Variants in STX3 observed in about 807,000 individuals in gnomAD.
STX3 encodes the protein syntaxin-3.
Under a neutral mutation model 40.2 loss-of-function variants are expected in STX3, and 19 were observed. The ratio of observed to expected loss-of-function variants is 0.47; its 90% CI spans 0.33 to 0.69. The LOEUF is 0.69. STX3 is among the 30% of genes least tolerant of loss of function. STX3 has a pLI of 0.02. For missense variants in STX3, 364 were observed against 366.7 expected, an observed-to-expected ratio of 0.99 and a Z score of 0.06; for synonymous variants, 122 against 132.2, an observed-to-expected ratio of 0.92 and a Z score of 0.53.
chr11:59,781,726 G>T lies in STX3; in HGVS notation c.115-5311G>T, dbSNP rs1271005850. ...AGCTGCTGAACTGTGGCCATGGTGGGTGCGGGCGGGCTGGCGTGCAGAGAG... is the reference window on the plus strand; with the variant it reads ...AGCTGCTGAACTGTGGCCATGGTGGTTGCGGGCGGGCTGGCGTGCAGAGAG... On this transcript the variant is annotated intron_variant, in intron 2 of 10. Coordinates refer to ENST00000337979, the MANE Select transcript of STX3 (RefSeq NM_004177.5). 1.9e-6 allele frequency: 3 copies of T among 1,586,978 alleles called. No homozygotes were observed. In the African/African-American group the frequency reaches 4.0e-5, roughly 21 times the overall value.
chr11:59,773,847 G>A (rs1425708499), intron 2 of STX3, among the ~76,000 whole-genome samples: 3 of 152,132 alleles, frequency 2.0e-5, no homozygotes, highest in Non-Finnish European at 2.9e-5. Flanking sequence ...AGGCACACCT[G>A]TAATCCCAGC....
intron 1 of STX3, among the ~76,000 whole-genome samples, chr11:59,765,131 C>T (rs573592): frequency 0.16 from 24,353 of 152,034 alleles, 3,669 homozygotes; most frequent in African/African-American, 0.4. Context: ...ATCTGTCAAT[C>T]TCCTCTTGAT....
In STX3 at chr11:59,782,758, C is replaced by T. The variant is rs145784517; in HGVS notation, c.115-4279C>T. Reference sequence around the variant, plus strand: ...CTGTAATCCTAGCACTTTGGGAGGCCGAGGTGGGCGGATCACTTGAGCTCA... The same window carrying T: ...CTGTAATCCTAGCACTTTGGGAGGCTGAGGTGGGCGGATCACTTGAGCTCA... On this transcript the variant is annotated intron_variant, in intron 2 of 10. Coordinates refer to ENST00000337979, the MANE Select transcript of STX3 (RefSeq NM_004177.5). Among the ~76,000 whole-genome samples the T allele has an allele frequency of 3.2e-3, 484 of 151,564 alleles. 5 individuals are homozygous for T. Among genetic ancestry groups the T allele is most frequent in the African/African-American group, 0.01 (430 of 41,288 alleles).
intron 1 of STX3, among the ~76,000 whole-genome samples, chr11:59,768,619 G>A (rs1458422280): frequency 1.3e-5 from 2 of 152,220 alleles, no homozygotes; most frequent in East Asian, 3.8e-4. Context: ...AGCAGAAGGT[G>A]TCTGGGGGAG....
chr11:59,770,733 G>A (rs1334359373), intron 1 of STX3, among the ~76,000 whole-genome samples: 4 of 152,248 alleles, frequency 2.6e-5, no homozygotes, highest in Non-Finnish European at 4.4e-5. Context: ...CAGGGTGAGC[G>A]CTCAGGAAAT....
intron 2 of STX3, among the ~76,000 whole-genome samples, chr11:59,786,371 C>T (rs1334240938): frequency 6.7e-6 from 1 of 149,758 alleles, no homozygotes; most frequent in African/African-American, 2.5e-5. Flanking sequence ...TCCCGAGTAG[C>T]TGGTACTACA....
chr11:59,786,513 G>A (rs1320639072), intron 2 of STX3, among the ~76,000 whole-genome samples: 1 of 151,476 alleles, frequency 6.6e-6, no homozygotes, highest in Non-Finnish European at 1.5e-5. Flanking sequence ...GCCTCCCAAA[G>A]TGCTGGGATT....
rs2135057996 is a variant in STX3 at position 59,803,501 on chromosome 11, A to G, written c.*2677A>G. ...GGTAGTCTGTGGGAGGAGGGGGGAG[A>G]CAGAAGGTGGCAATCTGTCCTATAA... is the stretch of plus-strand genomic sequence containing the variant. On this transcript the variant is annotated 3_prime_UTR_variant, in exon 11 of 11. Transcript: ENST00000337979. Among the ~76,000 whole-genome samples the G allele has an allele frequency of 6.6e-6, 1 of 152,232 alleles. No homozygotes were observed. Among genetic ancestry groups the G allele is most frequent in the Admixed American group, 6.5e-5 (1 of 15,282 alleles).
chr11:59,758,491 G>A (rs999550280), intron 1 of STX3, among the ~76,000 whole-genome samples: 5 of 152,174 alleles, frequency 3.3e-5, no homozygotes, highest in Admixed American at 2.0e-4. Flanking sequence ...GAGATAATCC[G>A]TGACAATCAC....
chr11:59,769,630 G>A (rs72931245), intron 1 of STX3, among the ~76,000 whole-genome samples: 2 of 152,098 alleles, frequency 1.3e-5, no homozygotes, highest in East Asian at 3.8e-4. Flanking sequence ...AGCCATTGTG[G>A]ATGTGGGGAA....
chr11:59,755,325 A>C, upstream of STX3: 2 of 273,208 alleles, frequency 7.3e-6, no homozygotes, highest in Non-Finnish European at 1.4e-5. Flanking sequence ...GCGGCCAGGT[A>C]GGGGCGGGTC....
rs1033421968 is a variant in STX3, at chr11:59,804,275, A to C, written c.*3451A>C. The stretch of plus-strand genomic sequence containing the variant: ...TCTAGGTCACACCTTTGACCACCCT[A>C]CATCTGTTTCCTCTTTCAGGCTCCA... On this transcript the variant is annotated 3_prime_UTR_variant, in exon 11 of 11. Coordinates refer to ENST00000337979, the MANE Select transcript of STX3 (RefSeq NM_004177.5). 18 of 152,378 alleles carry C rather than the reference A, an allele frequency of 1.2e-4. No homozygotes were observed. The highest frequency in any genetic ancestry group is 2.1e-4 in the South Asian group (1 of 4,826). 9.4% of individuals were successfully genotyped at this position (152,378 alleles called of 1,614,324 possible).
At chr11:59,773,977 CAAAAAA>C (rs5792160) in intron 2 of STX3, among the ~76,000 whole-genome samples, 9 of 81,246 alleles carry the variant, frequency 1.1e-4, no homozygotes, top group South Asian at 4.4e-4. Context: ...CTCACACACA[CAAAAAA>C]AAAAAAAAAA....
At position 59,801,008 on chromosome 11, in the gene STX3, T is replaced by A; in HGVS notation, c.*184T>A. The A allele has an allele frequency of 6.6e-7, 1 of 1,522,582 alleles. No individual in the cohort carries two copies. The highest frequency in any genetic ancestry group is 8.8e-7 in the Non-Finnish European group (1 of 1,139,420). The allele number at this position is 1,522,582 out of a possible 1,614,324, so 94.3% of individuals were successfully genotyped here. ...AGCTAACAATCTAGCCCTGGGGGAATGTGATCTACCTGATGCGACCCTGAG... is the reference window on the plus strand; with the variant it reads ...AGCTAACAATCTAGCCCTGGGGGAAAGTGATCTACCTGATGCGACCCTGAG... On this transcript the variant is annotated 3_prime_UTR_variant, in exon 11 of 11. Coordinates refer to ENST00000337979, the MANE Select transcript of STX3 (RefSeq NM_004177.5).
chr11:59,791,220 G>A (rs560768903), intron 5 of STX3, among the ~76,000 whole-genome samples: 1 of 152,306 alleles, frequency 6.6e-6, no homozygotes, highest in South Asian at 2.1e-4. Flanking sequence ...GGCAGCAGTG[G>A]TTGGTAGTGG....
intron 2 of STX3, among the ~76,000 whole-genome samples, chr11:59,786,241 TTC>T (rs1044244795): frequency 2.0e-5 from 3 of 150,734 alleles, no homozygotes; most frequent in African/African-American, 7.3e-5. Flanking sequence ...GTTTCTTTCT[TTC>T]TTTTTTTTTT....
In STX3 at chr11:59,786,910, G is replaced by A. The variant is rs1864813734; in HGVS notation, c.115-127G>A. The A allele has an allele frequency of 5.5e-6, 4 of 732,308 alleles. No individual in the cohort carries two copies. In the African/African-American group the frequency reaches 7.1e-5, roughly 13 times the overall value. 45.4% of individuals were successfully genotyped at this position (732,308 alleles called of 1,614,324 possible). A position where few individuals can be genotyped will look rare whatever the true frequency, so the allele number is the denominator to read the frequency against. ...CTCACTGGGCAGCTGAGGACTTTAA[G>A]TCATTATCTTCTTCCACAAACCCAG... On this transcript the variant is annotated intron_variant, in intron 2 of 10. Transcript: ENST00000337979.
Position 59,773,274 on chromosome 11 carries a change from A to G in STX3, c.94A>G (p.Met32Val), listed in dbSNP as rs757904110. 1.9e-6 allele frequency: 3 copies of G among 1,613,984 alleles called. No individual in the cohort carries two copies. Among genetic ancestry groups the G allele is most frequent in the African/African-American group, 2.7e-5 (2 of 74,890 alleles). ...VEIAIDNTAF[M>V]DEFFSEIEET... ...GATTGCTATCGACAACACGGCTTTT[A>G]TGGACGAGTTCTTTTCTGAGGTAGG... Residue 32 changes from methionine (M) to valine (V), a missense_variant, in exon 2 of 11, where the codon ATG becomes GTG. Physicochemically the swap from Met to Val is conservative, Grantham distance 21. Coordinates refer to ENST00000337979, the MANE Select transcript of STX3 (RefSeq NM_004177.5).
intron 1 of STX3, among the ~76,000 whole-genome samples, chr11:59,763,021 G>T (rs145505670): frequency 6.6e-6 from 1 of 152,186 alleles, no homozygotes; most frequent in Non-Finnish European, 1.5e-5. Flanking sequence ...CTTCTCTTGG[G>T]TGTGTAATTC....
Sources: allele counts gnomAD v4.1 joint callset (sites outside exome capture counted in the v4.1 genomes callset), GRCh38; gene constraint gnomAD v4.1.1; transcripts MANE v1.5; gene names NCBI Gene and HGNC (gene_info 2026-07-23, HGNC 2026-07-21).